SCN7A: variants seen among roughly 807,000 people sequenced by gnomAD.
SCN7A encodes sodium voltage-gated channel alpha subunit 7, also known as sodium channel protein type 7 subunit alpha.
Under a neutral mutation model 155.2 loss-of-function variants are expected in SCN7A, and 138 were observed. That is an observed-to-expected ratio of 0.89 (90% CI 0.77 to 1.02). The LOEUF is 1.02. SCN7A is among the 50% of genes least tolerant of loss of function. SCN7A has a pLI of 0.00. For synonymous variants in SCN7A, 693 were observed against 649.0 expected, an observed-to-expected ratio of 1.07 and a Z score of -1.03; for missense variants, 2,058 against 1,986.6, an observed-to-expected ratio of 1.04 and a Z score of -0.68.
intron 2 of SCN7A, among the ~76,000 whole-genome samples, chr2:166,482,861 A>G (rs949081415): frequency 6.6e-6 from 1 of 152,044 alleles, no homozygotes; most frequent in Non-Finnish European, 1.5e-5. Flanking sequence ...TCATTAAATC[A>G]TAATTCAGCA....
At chr2:166,429,391 G>A (rs1295050756) in intron 16 of SCN7A, 117 bp from the exon 17 acceptor site, 1 of 654,936 alleles carries the variant, frequency 1.5e-6, no homozygotes, top group African/African-American at 1.9e-5. Flanking sequence ...AATATTATTA[G>A]GTTTAAAAGA....
chr2:166,466,822 C>T (rs1702544439), intron 7 of SCN7A, among the ~76,000 whole-genome samples: 1 of 151,712 alleles, frequency 6.6e-6, no homozygotes, highest in South Asian at 2.1e-4. Context: ...ATTTGTATGC[C>T]TTAGTTTTAT....
At chr2:166,410,986 C>A (rs1007450259) in intron 23 of SCN7A, among the ~76,000 whole-genome samples, 1 of 151,882 alleles carries the variant, frequency 6.6e-6, no homozygotes, top group Non-Finnish European at 1.5e-5. Context: ...GACACCAGTT[C>A]GAAGCCTAGA....
rs763305559 is a variant in SCN7A at position 166,444,794 on chromosome 2, G to T, written c.1594C>A (p.Gln532Lys). Residue 532 changes from glutamine (Q) to lysine (K), a missense_variant, in exon 13 of 26, where the codon CAA becomes AAA. Gln to Lys is a moderately conservative substitution (Grantham distance 53). Coordinates refer to ENST00000643258, the MANE Select transcript of SCN7A (RefSeq NM_002976.4). ...CCAATGTTGAGAAGAGTGTTAGTTT[G>T]TTTACTCATTGGATAATGCTCCAAG... Reference protein sequence around the residue: ...LTLEHYPMSKQTNTLLNIGNL... With the variant: ...LTLEHYPMSKKTNTLLNIGNL... The T allele has an allele frequency of 6.3e-7, 1 of 1,596,998 alleles. No individual in the cohort carries two copies. Among genetic ancestry groups the T allele is most frequent in the Admixed American group, 1.7e-5 (1 of 58,192 alleles).
intron 11 of SCN7A, among the ~76,000 whole-genome samples, chr2:166,453,225 T>A (rs1225813752): frequency 6.6e-6 from 1 of 152,136 alleles, no homozygotes; most frequent in Non-Finnish European, 1.5e-5. Flanking sequence ...GTTGTCACAG[T>A]AGAAAGGCAA....
intron 3 of SCN7A, among the ~76,000 whole-genome samples, chr2:166,475,121 C>CATATATATATATATATATATACGT (rs1553520554): frequency 9.8e-6 from 1 of 102,234 alleles, no homozygotes; most frequent in African/African-American, 4.0e-5. Context: ...TATATATATA[C>CATATATATATATATATATATACGT]ATATATATAT....
intron 11 of SCN7A, among the ~76,000 whole-genome samples, chr2:166,448,831 A>G (rs1029392256): frequency 6.6e-6 from 1 of 152,188 alleles, no homozygotes; most frequent in African/African-American, 2.4e-5. Context: ...TAACATCTTA[A>G]ACTTTTTTAG....
At chr2:166,429,568 A>G (rs922166669) in intron 16 of SCN7A, among the ~76,000 whole-genome samples, 2 of 152,100 alleles carry the variant, frequency 1.3e-5, no homozygotes, top group African/African-American at 4.8e-5. Context: ...GCTGTCTCCA[A>G]TTCACAAAAG....
At chr2:166,409,631 T>C in intron 25 of SCN7A, 34 bp downstream of exon 25, 2 of 1,373,360 alleles carry the variant, frequency 1.5e-6, no homozygotes, top group Non-Finnish European at 1.9e-6. Context: ...ATTAATATTA[T>C]TATCAGTAAA....
chr2:166,461,048 CTTTTT>C lies in SCN7A; in HGVS notation c.1083+1336_1083+1340del, dbSNP rs34717897. The stretch of plus-strand genomic sequence containing the variant: ...GTAAAAATGTCACTTGTAATATTTT[CTTTTT>C]TTTTTTTTTTTTTTTTTTTTACCAA... On this transcript the variant is annotated intron_variant, in intron 10 of 25. Transcript: ENST00000643258. 7.9e-3 allele frequency among the ~76,000 whole-genome samples: 766 copies of C among 96,670 alleles called. 5 individuals are homozygous for C. Among genetic ancestry groups the C allele is most frequent in the East Asian group, 0.031 (88 of 2,854 alleles). 63.4% of individuals were successfully genotyped at this position (96,670 alleles called of 152,430 possible). A position where few individuals can be genotyped will look rare whatever the true frequency, so the allele number is the denominator to read the frequency against.
At chr2:166,492,333 C>T (rs988693877) in intron 1 of SCN7A, among the ~76,000 whole-genome samples, 1 of 152,256 alleles carries the variant, frequency 6.6e-6, no homozygotes, top group East Asian at 1.9e-4. Context: ...CCCCCAGGTG[C>T]AAGATTTTAA....
rs544795558 is a variant in SCN7A, at chr2:166,410,301, T to C, written c.3630A>G (p.Ile1210Met). Residue 1210 changes from isoleucine to methionine, a missense_variant, in exon 24 of 26, where the codon ATA becomes ATG. By Grantham distance (10) the Ile-to-Met change is conservative. Transcript: ENST00000643258. ...GGTACTGTTTTCTCTGTTTAACCGT[T>C]ATAAAGATATTTGAGCCTCCCAGGT... is the stretch of plus-strand genomic sequence containing the variant. ...KIKLGGSNIF[I>M]TVKQRKQYRR... 103 of 1,547,704 alleles carry C rather than the reference T, an allele frequency of 6.7e-5. No individual in the cohort carries two copies. In the Admixed American group the frequency reaches 1.8e-3, roughly 27 times the overall value.
chr2:166,449,711 T>C (rs1306761680), intron 11 of SCN7A, among the ~76,000 whole-genome samples: 1 of 151,910 alleles, frequency 6.6e-6, no homozygotes, highest in African/African-American at 2.4e-5. Flanking sequence ...ACCTCAGTAA[T>C]CATTAGAGAA....
chr2:166,423,190 A>T (rs933646845), intron 19 of SCN7A, 69 bp downstream of exon 19: 1 of 1,444,934 alleles, frequency 6.9e-7, no homozygotes, highest in African/African-American at 1.4e-5. Flanking sequence ...AACTGACAGG[A>T]AGTGAAAGAG....
At chr2:166,484,068 T>C (rs1702990669) in intron 2 of SCN7A, among the ~76,000 whole-genome samples, 1 of 152,000 alleles carries the variant, frequency 6.6e-6, no homozygotes, top group Admixed American at 6.6e-5. Flanking sequence ...AAATAATGTG[T>C]CTCTTGATAT....
rs199934497 is a variant in SCN7A, at chr2:166,409,792, C to A, written c.3855G>T (p.Trp1285Cys). ...ATAGCATAACAAAAATTGAGTTAAT[C>A]CAGTAGAGAGCAATGGACATTTGTA... ...QSLQMSIALY[W>C]INSIFVMLYT... is the part of the protein sequence containing the mutation. Residue 1285 changes from tryptophan to cysteine, a missense_variant, in exon 25 of 26, where the codon TGG becomes TGT. Coordinates refer to ENST00000643258, the MANE Select transcript of SCN7A (RefSeq NM_002976.4). 4.0e-4 allele frequency: 634 copies of A among 1,571,780 alleles called. 5 individuals carry two copies. The South Asian group carries it at 4.5e-3, about 11-fold the overall frequency.
rs1701019476 is a variant in SCN7A at position 166,404,321 on chromosome 2, T to A, written c.*1259A>T. Reference sequence around the variant, plus strand: ...GCCTATCTTTAAAAAACAATTTCAATAGTGAAAACTAATGTTTAGGATTTT... The same window carrying A: ...GCCTATCTTTAAAAAACAATTTCAAAAGTGAAAACTAATGTTTAGGATTTT... On this transcript the variant is annotated 3_prime_UTR_variant, in exon 26 of 26. Coordinates refer to ENST00000643258, the MANE Select transcript of SCN7A (RefSeq NM_002976.4). The A allele has an allele frequency of 6.6e-6, 1 of 151,918 alleles. No homozygotes were observed. 9.4% of individuals were successfully genotyped at this position (151,918 alleles called of 1,614,324 possible).
intron 21 of SCN7A, chr2:166,414,478 T>C (rs961021996): frequency 3.6e-5 from 5 of 139,982 alleles, no homozygotes; most frequent in African/African-American, 1.1e-4. Flanking sequence ...TATATATATA[T>C]ATATATATCT....
chr2:166,443,678 T>C lies in SCN7A; in HGVS notation c.1627-2A>G. 1 of 1,534,950 alleles carries C rather than the reference T, an allele frequency of 6.5e-7. No homozygotes were observed. The highest frequency in any genetic ancestry group is 8.8e-7 in the Non-Finnish European group (1 of 1,139,528). ...TGCTGTGAAAATTCCAATGAAAACC[T>C]AAATCAAAACCAAATACATAGGTGA... is the stretch of plus-strand genomic sequence containing the variant. On this transcript the variant is annotated splice_acceptor_variant, in intron 13 of 25. Coordinates refer to ENST00000643258, the MANE Select transcript of SCN7A (RefSeq NM_002976.4). LOFTEE classifies it high-confidence loss of function.
Sources: gnomAD v4.1 joint callset for allele counts (sites outside exome capture counted in the v4.1 genomes callset) on GRCh38, gnomAD v4.1.1 for gene constraint, MANE v1.5 for transcripts, NCBI Gene and HGNC (gene_info 2026-07-23, HGNC 2026-07-21) for gene names.